The following FGD5 variants were observed in gnomAD, a reference collection of about 807,000 sequenced individuals.
The protein encoded by FGD5 is FYVE, RhoGEF and PH domain containing 5.
FGD5 carries 28 observed loss-of-function variants against 133.4 expected under a neutral mutation model. The observed-to-expected ratio is 0.21, with a 90% CI of 0.16 to 0.29. FGD5 has a LOEUF of 0.29. FGD5 is among the 10% of genes least tolerant of loss of function. The pLI is 1.00. For missense variants in FGD5, 1,858 were observed against 1,895.2 expected (o/e 0.98, Z 0.36); for synonymous variants, 810 against 776.5 (o/e 1.04, Z -0.72).
At position 14,924,014 on chromosome 3, in the gene FGD5, C is replaced by T. The variant is rs1337415360; in HGVS notation, c.3944C>T (p.Pro1315Leu). ...RAVPGLMRER[P>L]VSMSFPLSSP... Reference sequence around the variant, plus strand: ...TGGCTTCTTTCAGTTACAGAGCGGCCTGTGAGCATGAGCTTCCCGCTGTCT... The same window carrying T: ...TGGCTTCTTTCAGTTACAGAGCGGCTTGTGAGCATGAGCTTCCCGCTGTCT... The change falls in exon 17 of 20, where the codon CCT becomes CTT. Residue 1315 changes from proline (P) to leucine (L), a missense_variant. Physicochemically the swap from Pro to Leu is moderately conservative, Grantham distance 98. Transcript: ENST00000285046. The T allele has an allele frequency of 6.2e-6, 10 of 1,613,886 alleles. No individual in the cohort carries two copies. The highest frequency in any genetic ancestry group is 1.1e-5 in the South Asian group (1 of 91,096).
intron 3 of FGD5, 31 bp from the exon 4 acceptor site, chr3:14,880,711 A>G: frequency 1.2e-6 from 2 of 1,614,046 alleles, no homozygotes; most frequent in East Asian, 4.5e-5. Flanking sequence ...GATGGGGATT[A>G]ATGCAGCCTC....
chr3:14,826,774 A>T (rs181063269), intron 1 of FGD5, among the ~76,000 whole-genome samples: 33 of 151,582 alleles, frequency 2.2e-4, no homozygotes, highest in South Asian at 1.3e-3. Flanking sequence ...TGTCTCTCTC[A>T]CACACACACA....
chr3:14,840,546 TAC>T (rs1267505727), intron 1 of FGD5, among the ~76,000 whole-genome samples: 1 of 152,178 alleles, frequency 6.6e-6, no homozygotes, highest in African/African-American at 2.4e-5. Context: ...TTTGTTACTT[TAC>T]AGATTGTTCC....
At position 14,922,146 on chromosome 3, in the gene FGD5, C is replaced by T; in HGVS notation, c.3669+129C>T. On this transcript the variant is annotated intron_variant, in intron 14 of 19. Transcript: ENST00000285046. This position sits in a 1 kb window ranked among gnomAD's most constrained non-coding sequence, Gnocchi z 4.1. ...TGTCTTGGGGCACTGGCTCCCCCCA[C>T]ACCCCTGCCATGCTCCCACCCTAGT... The T allele has an allele frequency of 9.2e-7, 1 of 1,082,338 alleles. No homozygotes were observed. The allele number at this position is 1,082,338 out of a possible 1,614,324, so 67.0% of individuals were successfully genotyped here. A position where few individuals can be genotyped will look rare whatever the true frequency, so the allele number is the denominator to read the frequency against.
intron 1 of FGD5, among the ~76,000 whole-genome samples, chr3:14,854,714 C>A (rs78915948): frequency 6.6e-6 from 1 of 152,120 alleles, no homozygotes; most frequent in African/African-American, 2.4e-5. Flanking sequence ...GCCAGCAGAC[C>A]TGGCCCTCTT....
intron 1 of FGD5, among the ~76,000 whole-genome samples, chr3:14,834,912 A>G (rs1217606509): frequency 1.3e-5 from 2 of 152,222 alleles, no homozygotes; most frequent in Non-Finnish European, 2.9e-5. Flanking sequence ...AGACCCCGCG[A>G]TCTGCCACTG....
rs1186325398 is a variant in FGD5 at position 14,898,025 on chromosome 3, G to A, written c.2996G>A (p.Arg999Lys). The change falls in exon 6 of 20, where the codon AGG becomes AAG. Residue 999 changes from arginine (R) to lysine (K), a missense_variant. Arg to Lys is a conservative substitution (Grantham distance 26, BLOSUM62 2). Coordinates refer to ENST00000285046, the MANE Select transcript of FGD5 (RefSeq NM_152536.4). ...GCCACTCACATCCTGCAGTTCGACA[G>A]GTACCTAGGTCTGCTCAGTGAGAAT... ...HHATHILQFD[R>K]YLGLLSENCL... 6.2e-7 allele frequency: 1 copy of A among 1,614,010 alleles called. No individual in the cohort carries two copies. The highest frequency in any genetic ancestry group is 1.7e-5 in the Admixed American group (1 of 60,014).
chr3:14,871,733 G>T (rs572188886), intron 2 of FGD5, among the ~76,000 whole-genome samples: 3 of 152,314 alleles, frequency 2.0e-5, no homozygotes, highest in Admixed American at 2.0e-4. Context: ...AAAGGGCTGG[G>T]CAGGTTAGGA....
chr3:14,922,433 G>T lies in FGD5; in HGVS notation c.3692G>T (p.Ser1231Ile), dbSNP rs768871785. The T allele has an allele frequency of 3.2e-6, 5 of 1,568,702 alleles. No homozygotes were observed. Among genetic ancestry groups the T allele is most frequent in the South Asian group, 1.2e-5 (1 of 85,050 alleles). ...SVEIRERLGVSLGERPPTLVP... is the reference protein window; with the variant it reads ...SVEIRERLGVILGERPPTLVP... ...CAGATACGAGAGAGGCTGGGGGTTA[G>T]CCTTGGGGAGAGGCCCCCCACCCTG... Residue 1231 changes from serine to isoleucine, a missense_variant, in exon 15 of 20, where the codon AGC (serine) becomes ATC (isoleucine). Around this residue, in one of 3 missense-constraint regions of FGD5, gnomAD observed 1,824 missense variants for 1,848.9 expected, o/e 0.99. Transcript: ENST00000285046. This position sits in a 1 kb window ranked among gnomAD's most constrained non-coding sequence, Gnocchi z 4.1.
Position 14,907,669 on chromosome 3 carries a change from G to A in FGD5, c.3294G>A (p.Glu1098=). 1 of 1,613,776 alleles carries A rather than the reference G, an allele frequency of 6.2e-7. No homozygotes were observed. Among genetic ancestry groups the A allele is most frequent in the Non-Finnish European group, 8.5e-7 (1 of 1,179,740 alleles). ...GENLQKLVHI[E]HSVRGQGDLL... ...ACCTGCAGAAGCTGGTCCACATTGA[G>A]CACAGCGTCCGGGGCCAAGGGGATC... Residue 1098 remains glutamate (E), a synonymous_variant, in exon 10 of 20, where the codon GAG becomes GAA. Coordinates refer to ENST00000285046, the MANE Select transcript of FGD5 (RefSeq NM_152536.4).
intron 1 of FGD5, among the ~76,000 whole-genome samples, chr3:14,845,424 A>G (rs2037032625): frequency 6.6e-6 from 1 of 152,242 alleles, no homozygotes; most frequent in South Asian, 2.1e-4. Flanking sequence ...TCAATAAGCC[A>G]GTGCTTGAAT....
chr3:14,844,204 T>TAAAAAAAAAAAAAAAAAAA (rs1168327274), intron 1 of FGD5, among the ~76,000 whole-genome samples: 1 of 17,240 alleles, frequency 5.8e-5, no homozygotes, highest in Non-Finnish European at 1.0e-4. Flanking sequence ...TAATAGGCAT[T>TAAAAAAAAAAAAAAAAAAA]AAAAAAAAAA....
chr3:14,926,086 A>C lies in FGD5; in HGVS notation c.4085A>C (p.Glu1362Ala), dbSNP rs555261059. 3.6e-5 allele frequency: 58 copies of C among 1,613,736 alleles called. No individual in the cohort carries two copies. The South Asian group carries it at 5.3e-4, about 15-fold the overall frequency. The change falls in exon 18 of 20, where the codon GAG becomes GCG. Residue 1362 changes from glutamate (E) to alanine (A), a missense_variant. Around this residue, in one of 3 missense-constraint regions of FGD5, gnomAD observed 1,824 missense variants for 1,848.9 expected, o/e 0.99. Coordinates refer to ENST00000285046, the MANE Select transcript of FGD5 (RefSeq NM_152536.4). ...SALTEVAASG[E>A]GSAISGYLSR... ...TCCTGCCAGGTGGCTGCCTCTGGAG[A>C]GGGCTCTGCCATCAGTGGCTATCTC... is the stretch of plus-strand genomic sequence containing the variant.
intron 2 of FGD5, among the ~76,000 whole-genome samples, chr3:14,871,654 C>T (rs952232589): frequency 2.0e-5 from 3 of 152,144 alleles, no homozygotes; most frequent in African/African-American, 7.2e-5. Flanking sequence ...TTCTGGAGGG[C>T]GTCCTGGGTA....
chr3:14,815,554 T>C (rs1248638341), upstream of FGD5, among the ~76,000 whole-genome samples: 1 of 152,168 alleles, frequency 6.6e-6, no homozygotes, highest in Non-Finnish European at 1.5e-5. Context: ...ACTCAATAAA[T>C]ATGTATTTAA....
At chr3:14,839,654 C>T (rs79789143) in intron 1 of FGD5, among the ~76,000 whole-genome samples, 32,128 of 152,052 alleles carry the variant, frequency 0.21, 3,548 homozygotes, top group East Asian at 0.31. Flanking sequence ...GAATGTTGGC[C>T]AGGCGCAGTG....
intron 7 of FGD5, among the ~76,000 whole-genome samples, chr3:14,900,034 TG>T: frequency 6.6e-6 from 1 of 152,286 alleles, no homozygotes; most frequent in South Asian, 2.1e-4. Flanking sequence ...ATGTGGAGCC[TG>T]GAGAGTATGA....
intron 2 of FGD5, among the ~76,000 whole-genome samples, chr3:14,869,655 G>T (rs1212326625): frequency 6.6e-6 from 1 of 152,144 alleles, no homozygotes; most frequent in African/African-American, 2.4e-5. Context: ...TATGAGTTCA[G>T]TTACTCTAGG....
intron 11 of FGD5, among the ~76,000 whole-genome samples, chr3:14,913,755 C>A (rs1041966363): frequency 3.9e-5 from 6 of 152,190 alleles, no homozygotes; most frequent in African/African-American, 7.2e-5. Flanking sequence ...CTGTCCTCAC[C>A]TCGTCCTCCA....
Sources: allele counts gnomAD v4.1 joint callset (sites outside exome capture counted in the v4.1 genomes callset), GRCh38; gene constraint gnomAD v4.1.1; regional missense constraint gnomAD v4.1.1; non-coding constraint Gnocchi (gnomAD v3.1); transcripts MANE v1.5; gene names NCBI Gene and HGNC (gene_info 2026-07-23, HGNC 2026-07-21).